Variants in LETM1 observed in about 807,000 individuals in gnomAD.
LETM1 encodes mitochondrial proton/calcium exchanger protein.
LETM1 carries 50 observed loss-of-function variants against 74.5 expected under a neutral mutation model. The observed-to-expected ratio is 0.67, with a 90% CI of 0.53 to 0.85. LETM1 has a LOEUF of 0.85. Ranked by LOEUF, LETM1 falls within the 40% of genes least tolerant of loss-of-function variation. The pLI is 0.00. For missense variants in LETM1, 824 were observed against 967.8 expected (o/e 0.85, Z 1.97); for synonymous variants, 446 against 407.1 (o/e 1.10, Z -1.15).
chr4:1,819,455 C>T lies in LETM1; in HGVS notation c.1626G>A (p.Lys542=), dbSNP rs1711695845. The stretch of plus-strand genomic sequence containing the variant: ...CATCGCTGAGGATGTCGATTTCCTC[C>T]TTCGTGATCTCTTCCTCCTGGGATA... ...LEGLKEEEIT[K]EEIDILSDAC... The change falls in exon 11 of 14, where the codon AAG becomes AAA. Residue 542 remains lysine, a synonymous_variant. Transcript: ENST00000302787. The T allele has an allele frequency of 6.2e-7, 1 of 1,612,836 alleles. No individual in the cohort carries two copies. The highest frequency in any genetic ancestry group is 1.1e-5 in the South Asian group (1 of 90,846).
rs991593242 is a variant in LETM1, at chr4:1,834,378, T to C, written c.876+467A>G. On this transcript the variant is annotated intron_variant, in intron 5 of 13. Transcript: ENST00000302787. This position sits in a 1 kb window ranked among gnomAD's most constrained non-coding sequence, Gnocchi z 5.0. ...CCCCATCCTCACCTCACTCACCACA[T>C]GACCGCAGGAAACCTCAAGGGCCGC... is the stretch of plus-strand genomic sequence containing the variant. 1 of 990,704 alleles carries C rather than the reference T, an allele frequency of 1.0e-6. No individual in the cohort carries two copies. The highest frequency in any genetic ancestry group is 1.2e-6 in the Non-Finnish European group (1 of 833,692). The allele number at this position is 990,704 out of a possible 1,614,324, so 61.4% of individuals were successfully genotyped here. A position where few individuals can be genotyped will look rare whatever the true frequency, so the allele number is the denominator to read the frequency against.
chr4:1,845,830 C>T (rs1052440286), intron 2 of LETM1, among the ~76,000 whole-genome samples: 3 of 150,580 alleles, frequency 2.0e-5, no homozygotes, highest in African/African-American at 7.3e-5. Context: ...AGGCATGAGC[C>T]GCTGCACCTT....
At chr4:1,828,392 C>G (rs1712099214) in intron 6 of LETM1, among the ~76,000 whole-genome samples, 2 of 120,640 alleles carry the variant, frequency 1.7e-5, no homozygotes, top group Admixed American at 7.5e-5. Flanking sequence ...ACCCCCACCT[C>G]CCTCCCGGAC....
chr4:1,850,517 C>T (rs921626882), intron 1 of LETM1, among the ~76,000 whole-genome samples: 2 of 151,784 alleles, frequency 1.3e-5, no homozygotes, highest in African/African-American at 2.4e-5. Flanking sequence ...TTACTACAAC[C>T]GGACCGGGCG....
At position 1,834,522 on chromosome 4, in the gene LETM1, G is replaced by A; in HGVS notation, c.876+323C>T. On this transcript the variant is annotated intron_variant, in intron 5 of 13. Transcript: ENST00000302787. This position sits in a 1 kb window ranked among gnomAD's most constrained non-coding sequence, Gnocchi z 5.0. Reference sequence around the variant, plus strand: ...ATGCCCAGCAGAGGAGCCCGGCCAAGCCACCCACACCTCACACCATCAGGG... The same window carrying A: ...ATGCCCAGCAGAGGAGCCCGGCCAAACCACCCACACCTCACACCATCAGGG... The A allele has an allele frequency of 1.8e-6, 2 of 1,105,234 alleles. No individual in the cohort carries two copies. Among genetic ancestry groups the A allele is most frequent in the Non-Finnish European group, 2.2e-6 (2 of 904,844 alleles). The allele number at this position is 1,105,234 out of a possible 1,614,324, so 68.5% of individuals were successfully genotyped here.
At chr4:1,828,839 G>A (rs1213661997) in intron 6 of LETM1, among the ~76,000 whole-genome samples, 27 of 121,180 alleles carry the variant, frequency 2.2e-4, no homozygotes, top group African/African-American at 6.7e-4. Context: ...CCTCCCGGAC[G>A]GGGCGGCTGG....
intron 3 of LETM1, among the ~76,000 whole-genome samples, chr4:1,838,002 A>G (rs1394505832): frequency 6.6e-6 from 1 of 152,034 alleles, no homozygotes; most frequent in East Asian, 1.9e-4. Flanking sequence ...ACCACACCCA[A>G]CCAAGAAAAT....
intron 9 of LETM1, chr4:1,822,742 C>G (rs1241129218): frequency 7.7e-6 from 3 of 391,706 alleles, no homozygotes; most frequent in Non-Finnish European, 1.3e-5. Context: ...GCTAAGCTTG[C>G]CCCTCTGAGA....
chr4:1,838,962 A>G (rs1712582987), intron 3 of LETM1, among the ~76,000 whole-genome samples: 1 of 152,230 alleles, frequency 6.6e-6, no homozygotes, highest in African/African-American at 2.4e-5. Flanking sequence ...TCTCTTTTAA[A>G]TTAAAAAATT....
chr4:1,833,381 T>C (rs1712349606), intron 5 of LETM1: 1 of 227,838 alleles, frequency 4.4e-6, no homozygotes, highest in Non-Finnish European at 8.8e-6. Flanking sequence ...AGGTGGCGTC[T>C]GGCCTGTGGA....
At chr4:1,829,386 G>A (rs925776609) in intron 6 of LETM1, among the ~76,000 whole-genome samples, 10 of 151,654 alleles carry the variant, frequency 6.6e-5, no homozygotes, top group African/African-American at 1.2e-4. Context: ...GCGGCTGGCC[G>A]GGCGGGGGGC....
intron 6 of LETM1, among the ~76,000 whole-genome samples, chr4:1,828,188 T>C (rs1334899031): frequency 4.7e-4 from 32 of 67,658 alleles, no homozygotes; most frequent in Admixed American, 6.2e-4. Context: ...GAGGCGCCCC[T>C]CACCTCCCGG....
chr4:1,814,055 C>T lies in LETM1; in HGVS notation c.*369G>A, dbSNP rs982323870. 3.3e-5 allele frequency: 9 copies of T among 269,342 alleles called. No individual in the cohort carries two copies. Among genetic ancestry groups the T allele is most frequent in the Non-Finnish European group, 5.8e-5 (8 of 137,846 alleles). 16.7% of individuals were successfully genotyped at this position (269,342 alleles called of 1,614,324 possible). A position where few individuals can be genotyped will look rare whatever the true frequency, so the allele number is the denominator to read the frequency against. ...GGCACAGCAGCCAGCTCTGTGTGGG[C>T]GGAGTCCACGTGGTCCTCATTCTCT... On this transcript the variant is annotated 3_prime_UTR_variant, in exon 14 of 14. Coordinates refer to ENST00000302787, the MANE Select transcript of LETM1 (RefSeq NM_012318.3).
At chr4:1,816,363 G>A (rs1711571672) in intron 12 of LETM1, among the ~76,000 whole-genome samples, 1 of 152,234 alleles carries the variant, frequency 6.6e-6, no homozygotes, top group South Asian at 2.1e-4. Flanking sequence ...CGGGCACAGA[G>A]AAGGCCGACT....
Position 1,855,886 on chromosome 4 carries a change from C to T in LETM1, c.65G>A (p.Arg22Gln), listed in dbSNP as rs1295656589. The T allele has an allele frequency of 1.6e-6, 2 of 1,239,192 alleles. No individual in the cohort carries two copies. The highest frequency in any genetic ancestry group is 2.0e-6 in the Non-Finnish European group (2 of 994,224). 76.8% of individuals were successfully genotyped at this position (1,239,192 alleles called of 1,614,324 possible). A position where few individuals can be genotyped will look rare whatever the true frequency, so the allele number is the denominator to read the frequency against. The stretch of plus-strand genomic sequence containing the variant: ...CCGCTTACCCCGCGGGACGGTGTAC[C>T]GAGGCGGCGGCGGGAGGCGGGCGGG... ...RAPARLPPPP[R>Q]YTVPRGSPGD... is the part of the protein sequence containing the mutation. Residue 22 changes from arginine to glutamine, a missense_variant, in exon 1 of 14, where the codon CGG (arginine) becomes CAG (glutamine). Coordinates refer to ENST00000302787, the MANE Select transcript of LETM1 (RefSeq NM_012318.3).
At chr4:1,844,429 C>G (rs2108853641) in intron 2 of LETM1, among the ~76,000 whole-genome samples, 1 of 152,306 alleles carries the variant, frequency 6.6e-6, no homozygotes, top group African/African-American at 2.4e-5. Flanking sequence ...CCACGATGTT[C>G]TCTTGGATCG....
rs748591725 is a variant in LETM1, at chr4:1,816,785, G to C, written c.1873C>G (p.Gln625Glu). The C allele has an allele frequency of 6.2e-7, 1 of 1,614,226 alleles. No homozygotes were observed. Among genetic ancestry groups the C allele is most frequent in the African/African-American group, 1.3e-5 (1 of 75,062 alleles). ...CCAGCCTGCTGGTCCATCTCCAGCTGCGAGATCAAGCCATCGATCTGCCCG... is the reference window on the plus strand; with the variant it reads ...CCAGCCTGCTGGTCCATCTCCAGCTCCGAGATCAAGCCATCGATCTGCCCG... ...MIGQIDGLIS[Q>E]LEMDQQAGKL... The change falls in exon 12 of 14, where the codon CAG becomes GAG. Residue 625 changes from glutamine to glutamate, a missense_variant. By Grantham distance (29) the Gln-to-Glu change is conservative. Transcript: ENST00000302787.
intron 6 of LETM1, among the ~76,000 whole-genome samples, chr4:1,828,970 C>G (rs1479846576): frequency 8.7e-5 from 9 of 103,146 alleles, no homozygotes; most frequent in African/African-American, 3.6e-4. Context: ...CCGGACGGGG[C>G]GGCTGGCCGG....
intron 3 of LETM1, among the ~76,000 whole-genome samples, chr4:1,838,643 A>G (rs1577322257): frequency 6.6e-6 from 1 of 152,312 alleles, no homozygotes; most frequent in East Asian, 1.9e-4. Flanking sequence ...TTGCAACTGC[A>G]CTCCAGCCTG....
Sources: gnomAD v4.1 joint callset for allele counts (sites outside exome capture counted in the v4.1 genomes callset) on GRCh38, gnomAD v4.1.1 for gene constraint, Gnocchi (gnomAD v3.1) non-coding constraint, MANE v1.5 for transcripts, NCBI Gene and HGNC (gene_info 2026-07-23, HGNC 2026-07-21) for gene names.